The following ANXA2 variants were observed in gnomAD, a reference collection of about 807,000 sequenced individuals.
ANXA2 encodes the protein annexin II.
In ANXA2, 28 loss-of-function variants were observed where a neutral mutation model predicts 47.3. The ratio of observed to expected loss-of-function variants is 0.59; its 90% CI spans 0.44 to 0.81. ANXA2 has a LOEUF of 0.81. ANXA2 is among the 40% of genes least tolerant of loss of function. ANXA2 has a pLI of 0.00. For synonymous variants in ANXA2, 172 were observed against 155.5 expected (o/e 1.11, Z -0.79); for missense variants, 384 against 414.3 (o/e 0.93, Z 0.64).
chr15:60,357,849 C>T (rs2168013), intron 5 of ANXA2, among the ~76,000 whole-genome samples: 120,005 of 151,902 alleles, frequency 0.79, 47,808 homozygotes, highest in African/African-American at 0.87. Context: ...TGCCAAAATA[C>T]TAAAACTGGC....
At chr15:60,353,493 A>T (rs2062379292) in intron 8 of ANXA2, among the ~76,000 whole-genome samples, 1 of 152,180 alleles carries the variant, frequency 6.6e-6, no homozygotes, top group Non-Finnish European at 1.5e-5. Flanking sequence ...AGCCTGAGTG[A>T]GCATATGTGA....
At chr15:60,368,490 A>G (rs2062668689) in intron 3 of ANXA2, among the ~76,000 whole-genome samples, 1 of 152,042 alleles carries the variant, frequency 6.6e-6, no homozygotes, top group South Asian at 2.1e-4. Context: ...ATGGGATACT[A>G]TGCAGTCATT....
chr15:60,363,186 C>A (rs1034176635), intron 4 of ANXA2, among the ~76,000 whole-genome samples: 3 of 152,166 alleles, frequency 2.0e-5, no homozygotes, highest in Non-Finnish European at 2.9e-5. Flanking sequence ...GGGAACTTGG[C>A]TCTACCAGCT....
intron 3 of ANXA2, among the ~76,000 whole-genome samples, chr15:60,381,690 A>T (rs2062861764): frequency 6.6e-6 from 1 of 152,160 alleles, no homozygotes; most frequent in Non-Finnish European, 1.5e-5. Context: ...AAGGAGCAGC[A>T]GAACTTACCG....
intron 11 of ANXA2, 120 bp from the exon 12 acceptor site, chr15:60,349,317 CT>C (rs1189898065): frequency 9.2e-7 from 1 of 1,090,384 alleles, no homozygotes; most frequent in African/African-American, 1.6e-5. Context: ...AAATCCAAAA[CT>C]TTTTCAGTGC....
chr15:60,354,742 CT>C (rs983020309), intron 7 of ANXA2, among the ~76,000 whole-genome samples: 49 of 152,122 alleles, frequency 3.2e-4, no homozygotes, highest in African/African-American at 1.2e-3. Flanking sequence ...CAATCCCCCC[CT>C]TGATACCCAG....
At chr15:60,377,005 A>C (rs1462400915) in intron 3 of ANXA2, among the ~76,000 whole-genome samples, 1 of 152,264 alleles carries the variant, frequency 6.6e-6, no homozygotes, top group African/African-American at 2.4e-5. Flanking sequence ...AAAGAGGGCC[A>C]GTCATCGTCA....
intron 4 of ANXA2, among the ~76,000 whole-genome samples, chr15:60,361,965 A>T (rs2062521406): frequency 6.7e-6 from 1 of 150,364 alleles, no homozygotes; most frequent in Non-Finnish European, 1.5e-5. Context: ...CACCTGTGGC[A>T]TCTACAAAGC....
chr15:60,372,616 A>ACTTGTACATGT (rs1375355975), intron 3 of ANXA2, among the ~76,000 whole-genome samples: 1 of 152,094 alleles, frequency 6.6e-6, no homozygotes, highest in Admixed American at 6.5e-5. Context: ...GTCCAGTAGA[A>ACTTGTACATGT]AAGATAACCC....
At chr15:60,350,405 C>G (rs1396824125) in intron 11 of ANXA2, among the ~76,000 whole-genome samples, 2 of 152,124 alleles carry the variant, frequency 1.3e-5, no homozygotes, top group Non-Finnish European at 2.9e-5. Context: ...AACATGCCAA[C>G]ACATTTCTAT....
intron 11 of ANXA2, 117 bp from the exon 12 acceptor site, chr15:60,349,314 A>G: frequency 8.5e-7 from 1 of 1,173,710 alleles, no homozygotes; most frequent in African/African-American, 1.5e-5. Flanking sequence ...CCAAAATCCA[A>G]AACTTTTTCA....
chr15:60,378,859 G>C (rs976995721), intron 3 of ANXA2, among the ~76,000 whole-genome samples: 2 of 152,062 alleles, frequency 1.3e-5, no homozygotes, highest in Non-Finnish European at 2.9e-5. Context: ...CCAACTACTT[G>C]GGAGGCTGAG....
At chr15:60,361,594 C>T (rs927823849) in intron 4 of ANXA2, 8 of 155,924 alleles carry the variant, frequency 5.1e-5, no homozygotes, top group African/African-American at 1.9e-4. Context: ...CTTTCCTATG[C>T]AAAACACTTC....
chr15:60,387,815 T>C (rs1374715139), intron 1 of ANXA2, among the ~76,000 whole-genome samples: 1 of 152,198 alleles, frequency 6.6e-6, no homozygotes, highest in African/African-American at 2.4e-5. Context: ...GTGGAAGCTA[T>C]GCGTATGTGG....
chr15:60,379,937 G>A (rs1440428337), intron 3 of ANXA2, among the ~76,000 whole-genome samples: 3 of 152,138 alleles, frequency 2.0e-5, no homozygotes, highest in African/African-American at 7.2e-5. Context: ...ACATTCCAGT[G>A]CACTAAGTGC....
rs374629420 is a variant in ANXA2, at chr15:60,356,992, G to C, written c.448+154C>G. The stretch of plus-strand genomic sequence containing the variant: ...ATGAGGAGGTGAAGGAGAGAAACTT[G>C]GACCACAGCCAACCTTGCCTGCATA... On this transcript the variant is annotated intron_variant, in intron 6 of 12. Coordinates refer to ENST00000451270, the MANE Select transcript of ANXA2 (RefSeq NM_004039.3). Among the ~76,000 whole-genome samples, 35 of 152,300 alleles carry C rather than the reference G, an allele frequency of 2.3e-4. No individual in the cohort carries two copies. The South Asian group carries it at 6.8e-3, about 30-fold the overall frequency.
chr15:60,357,219 C>G lies in ANXA2; in HGVS notation c.375G>C (p.Glu125Asp), dbSNP rs910861197. Residue 125 changes from glutamate to aspartate, a missense_variant, in exon 6 of 13, where the codon GAG becomes GAC. Coordinates refer to ENST00000451270, the MANE Select transcript of ANXA2 (RefSeq NM_004039.3). ...AGCAGATGATCTCAATGAGAGAGTC[C>G]TCGTCGGTTCCCAGCCCCTGTGAAC... ...KASMKGLGTDEDSLIEIICSR... is the reference protein window; with the variant it reads ...KASMKGLGTDDDSLIEIICSR... The G allele has an allele frequency of 1.2e-6, 2 of 1,614,162 alleles. No homozygotes were observed. Among genetic ancestry groups the G allele is most frequent in the East Asian group, 2.2e-5 (1 of 44,884 alleles).
chr15:60,387,782 C>T (rs2062953108), intron 1 of ANXA2, among the ~76,000 whole-genome samples: 1 of 152,130 alleles, frequency 6.6e-6, no homozygotes, highest in African/African-American at 2.4e-5. Context: ...ACAAATGTAC[C>T]ACCCTGATAC....
intron 1 of ANXA2, among the ~76,000 whole-genome samples, chr15:60,388,968 G>T (rs972300379): frequency 6.6e-6 from 1 of 151,752 alleles, no homozygotes; most frequent in South Asian, 2.1e-4. Flanking sequence ...CTTCTTGACA[G>T]AGCAAGAAAT....
Sources: gnomAD v4.1 joint callset for allele counts (sites outside exome capture counted in the v4.1 genomes callset) on GRCh38, gnomAD v4.1.1 for gene constraint, MANE v1.5 for transcripts, NCBI Gene and HGNC (gene_info 2026-07-23, HGNC 2026-07-21) for gene names.